ABCB5: variants seen among roughly 807,000 people sequenced by gnomAD.
ABCB5 encodes ATP binding cassette subfamily B member 5.
In ABCB5, 155 loss-of-function variants were observed where a neutral mutation model predicts 144.2. The observed-to-expected ratio is 1.08, with a 90% confidence interval of 0.94 to 1.23. The LOEUF is 1.23. Among genes scored for constraint, ABCB5 ranks in the 50% most tolerant of loss-of-function variants. The probability of loss-of-function intolerance (pLI) is 0.00; values close to 1 mark genes in which losing one functional copy is unlikely to be tolerated. For synonymous variants in ABCB5, 610 were observed against 528.6 expected, an observed-to-expected ratio of 1.15 and a Z score of -2.11; for missense variants, 1,830 against 1,520.8, an observed-to-expected ratio of 1.20 and a Z score of -3.38.
At position 20,755,507 on chromosome 7, in the gene ABCB5, C is replaced by A. The variant is rs200868952; in HGVS notation, c.3657C>A (p.Asn1219Lys). 1.2e-6 allele frequency: 2 copies of A among 1,614,054 alleles called. No individual in the cohort carries two copies. The highest frequency in any genetic ancestry group is 1.7e-6 in the Non-Finnish European group (2 of 1,180,018). Reference protein sequence around the residue: ...VVTHRLSAIQNADLIVVLHNG... With the variant: ...VVTHRLSAIQKADLIVVLHNG... The stretch of plus-strand genomic sequence containing the variant: ...CTCACAGGCTCTCTGCAATTCAGAA[C>A]GCAGATTTGATAGTGGTTCTGCACA... Residue 1219 changes from asparagine (N) to lysine (K), a missense_variant, in exon 28 of 28, where the codon AAC (asparagine) becomes AAA (lysine). By Grantham distance (94) the Asn-to-Lys change is moderately conservative. Coordinates refer to ENST00000404938, the MANE Select transcript of ABCB5 (RefSeq NM_001163941.2).
At chr7:20,685,452 C>A (rs1785963359) in intron 15 of ABCB5, among the ~76,000 whole-genome samples, 1 of 152,164 alleles carries the variant, frequency 6.6e-6, no homozygotes, top group Non-Finnish European at 1.5e-5. Context: ...GCATTGTTTT[C>A]TGCAGGTGAT....
intron 14 of ABCB5, among the ~76,000 whole-genome samples, chr7:20,670,765 C>T (rs983530578): frequency 7.2e-5 from 11 of 152,090 alleles, no homozygotes; most frequent in Non-Finnish European, 1.6e-4. Context: ...CAAAATTAGG[C>T]AGGCGTGGTG....
intron 3 of ABCB5, among the ~76,000 whole-genome samples, chr7:20,627,835 C>T (rs1049658956): frequency 2.6e-5 from 4 of 152,132 alleles, no homozygotes; most frequent in African/African-American, 7.2e-5. Flanking sequence ...TGAGCCAGAG[C>T]GTTGAAAATG....
In ABCB5 at chr7:20,700,071, G is replaced by A. The variant is rs749304994; in HGVS notation, c.2273G>A (p.Gly758Asp). ...TTTGCTTTTCAGGGATTATTTTACG[G>A]CAGAGCAGGGGAAATTTTAACGATG... ...VSYFMQGLFY[G>D]RAGEILTMRL... Residue 758 changes from glycine (G) to aspartate (D), a missense_variant, in exon 19 of 28, where the codon GGC (glycine) becomes GAC (aspartate). Physicochemically the swap from Gly to Asp is moderately conservative, Grantham distance 94. Transcript: ENST00000404938. 2.7e-5 allele frequency: 43 copies of A among 1,613,718 alleles called. No individual in the cohort carries two copies. In the East Asian group the frequency reaches 9.2e-4, roughly 34 times the overall value.
At chr7:20,676,090 T>C (rs183733666) in intron 14 of ABCB5, among the ~76,000 whole-genome samples, 3 of 151,988 alleles carry the variant, frequency 2.0e-5, no homozygotes, top group Non-Finnish European at 4.4e-5. Flanking sequence ...AGTTGCAGTC[T>C]CTATGGAAAA....
At chr7:20,738,794 C>G (rs1405252887) in intron 23 of ABCB5, among the ~76,000 whole-genome samples, 189 bp from the exon 24 acceptor site, 1 of 152,140 alleles carries the variant, frequency 6.6e-6, no homozygotes, top group Non-Finnish European at 1.5e-5. Flanking sequence ...TTTTGGTGTA[C>G]AGAGCAAGGA....
chr7:20,733,382 T>A (rs1782283532), intron 23 of ABCB5, among the ~76,000 whole-genome samples: 1 of 152,004 alleles, frequency 6.6e-6, no homozygotes, highest in South Asian at 2.1e-4. Flanking sequence ...GAATGAAAAG[T>A]CCCCAATATA....
At chr7:20,665,340 G>C (rs75733896) in intron 14 of ABCB5, among the ~76,000 whole-genome samples, 165 of 152,238 alleles carry the variant, frequency 1.1e-3, no homozygotes, top group Middle Eastern at 3.4e-3. Flanking sequence ...TCGGACCAGT[G>C]ACGTGGTCTG....
intron 2 of ABCB5, among the ~76,000 whole-genome samples, 170 bp from the exon 3 acceptor site, chr7:20,626,387 T>G (rs1015690370): frequency 3.9e-5 from 6 of 152,240 alleles, no homozygotes; most frequent in Admixed American, 1.3e-4. Flanking sequence ...CTAACAAGTT[T>G]ACAGACAACC....
chr7:20,639,905 G>C (rs144188673), intron 5 of ABCB5, among the ~76,000 whole-genome samples: 1,664 of 152,224 alleles, frequency 0.011, 33 homozygotes, highest in African/African-American at 0.038. Flanking sequence ...GGAGAATTTT[G>C]ACAGGGATTG....
At position 20,705,827 on chromosome 7, in the gene ABCB5, A is replaced by G. The variant is rs527586790; in HGVS notation, c.2421+1020A>G. Among the ~76,000 whole-genome samples the G allele has an allele frequency of 3.3e-5, 5 of 152,028 alleles. 1 individual carries two copies. In the South Asian group the frequency reaches 1.0e-3, roughly 32 times the overall value. The stretch of plus-strand genomic sequence containing the variant: ...GTTGTTTTTTTTTTTTAACTTTTGC[A>G]AGACCTCTTTGTTTAATATACATCG... On this transcript the variant is annotated intron_variant, in intron 20 of 27. Coordinates refer to ENST00000404938, the MANE Select transcript of ABCB5 (RefSeq NM_001163941.2).
At chr7:20,698,774 G>T (rs1301770981) in intron 17 of ABCB5, among the ~76,000 whole-genome samples, 1 of 152,174 alleles carries the variant, frequency 6.6e-6, no homozygotes, top group African/African-American at 2.4e-5. Flanking sequence ...AATCAGTGAA[G>T]AAATTGCTTT....
intron 7 of ABCB5, among the ~76,000 whole-genome samples, chr7:20,644,989 G>A (rs966928585): frequency 2.6e-5 from 4 of 152,176 alleles, no homozygotes; most frequent in Non-Finnish European, 5.9e-5. Context: ...GAACCTTAAC[G>A]TCCACAGAAG....
intron 26 of ABCB5, among the ~76,000 whole-genome samples, chr7:20,745,856 A>C (rs925194707): frequency 6.6e-6 from 1 of 152,152 alleles, no homozygotes; most frequent in Non-Finnish European, 1.5e-5. Context: ...CAACTGCCTC[A>C]TGGCTCCCCT....
intron 23 of ABCB5, among the ~76,000 whole-genome samples, chr7:20,734,640 A>T (rs1340482064): frequency 6.6e-6 from 1 of 151,996 alleles, no homozygotes; most frequent in Non-Finnish European, 1.5e-5. Flanking sequence ...TTTTAGAGGA[A>T]AAAGCCTCTA....
At chr7:20,724,786 T>C (rs1445385659) in intron 21 of ABCB5, among the ~76,000 whole-genome samples, 2 of 152,134 alleles carry the variant, frequency 1.3e-5, no homozygotes. Context: ...ATAAATGTCA[T>C]ACATATTCAT....
intron 20 of ABCB5, among the ~76,000 whole-genome samples, chr7:20,717,437 CTTTTT>C (rs557306157): frequency 7.5e-6 from 1 of 133,002 alleles, no homozygotes. Context: ...CAGATTTCCT[CTTTTT>C]TTTTTTTTTT....
Position 20,728,434 on chromosome 7 carries a change from TGACCCCA to T in ABCB5, c.2849_2855del (p.Thr950ArgfsTer5), listed in dbSNP as rs1402854757. The stretch of plus-strand genomic sequence containing the variant: ...GCCTATTTAATTCAAGCTGGACGAA[TGACCCCA>T]GAGGGCATGTTCATGTAAGTCGTGG... On this transcript the variant is annotated frameshift_variant, in exon 23 of 28. Coordinates refer to ENST00000404938, the MANE Select transcript of ABCB5 (RefSeq NM_001163941.2). LOFTEE classifies it high-confidence loss of function. The T allele has an allele frequency of 6.2e-7, 1 of 1,614,144 alleles. No homozygotes were observed. The highest frequency in any genetic ancestry group is 1.1e-5 in the South Asian group (1 of 91,092).
chr7:20,643,950 G>A (rs566435753), intron 7 of ABCB5, among the ~76,000 whole-genome samples: 2 of 152,304 alleles, frequency 1.3e-5, no homozygotes, highest in East Asian at 1.9e-4. Context: ...AGTTGTTGCT[G>A]TTGGGACAGA....
Sources: gnomAD v4.1 joint callset for allele counts (sites outside exome capture counted in the v4.1 genomes callset) on GRCh38, gnomAD v4.1.1 for gene constraint, MANE v1.5 for transcripts, NCBI Gene and HGNC (gene_info 2026-07-23, HGNC 2026-07-21) for gene names.